SBNO1: variants seen among roughly 807,000 people sequenced by gnomAD.
SBNO1 encodes the protein protein strawberry notch homolog 1.
A neutral mutation model predicts 173.6 loss-of-function variants in SBNO1; 23 were observed. The observed-to-expected ratio is 0.13, with a 90% confidence interval of 0.10 to 0.19. The LOEUF is 0.19. Ranked by LOEUF, SBNO1 falls within the 10% of genes least tolerant of loss-of-function variation. The pLI is 1.00. For missense variants in SBNO1, 1,238 were observed against 1,671.2 expected, an observed-to-expected ratio of 0.74 and a Z score of 4.52; for synonymous variants, 632 against 571.5, an observed-to-expected ratio of 1.11 and a Z score of -1.51.
At chr12:123,351,576 T>A (rs1410552440) in intron 1 of SBNO1, among the ~76,000 whole-genome samples, 1 of 152,138 alleles carries the variant, frequency 6.6e-6, no homozygotes, top group African/African-American at 2.4e-5. Flanking sequence ...ATTGCACAAC[T>A]GCACTCCAGC....
chr12:123,303,838 A>G (rs564189205), intron 29 of SBNO1, among the ~76,000 whole-genome samples: 17 of 151,772 alleles, frequency 1.1e-4, no homozygotes, highest in Non-Finnish European at 2.4e-4. Context: ...CATTTAAAAA[A>G]AAAGAAAGAA....
In SBNO1 at chr12:123,324,501, T is replaced by C. The variant is rs1215664056; in HGVS notation, c.1974-670A>G. Among the ~76,000 whole-genome samples the C allele has an allele frequency of 2.0e-5, 3 of 151,948 alleles. 1 individual carries two copies. The East Asian group carries it at 5.8e-4, about 29-fold the overall frequency. On this transcript the variant is annotated intron_variant, in intron 15 of 31. Coordinates refer to ENST00000602398, the MANE Select transcript of SBNO1 (RefSeq NM_001167856.3). Reference sequence around the variant, plus strand: ...CACGCCTGGCTAGTTTTTGTATTTTTAGTAGAGACGAGGTTTCACCGTGTT... The same window carrying C: ...CACGCCTGGCTAGTTTTTGTATTTTCAGTAGAGACGAGGTTTCACCGTGTT...
intron 7 of SBNO1, among the ~76,000 whole-genome samples, chr12:123,332,115 C>T (rs1871289557): frequency 6.6e-6 from 1 of 152,112 alleles, no homozygotes; most frequent in African/African-American, 2.4e-5. Flanking sequence ...TCCCAAAGTG[C>T]TGAGATTACA....
chr12:123,313,966 C>A (rs577464551), intron 23 of SBNO1, among the ~76,000 whole-genome samples: 4 of 151,846 alleles, frequency 2.6e-5, no homozygotes, highest in African/African-American at 9.6e-5. Flanking sequence ...CACCTGTAAT[C>A]CCAGCTACTT....
intron 28 of SBNO1, 32 bp from the exon 29 acceptor site, chr12:123,304,751 T>A: frequency 7.6e-7 from 1 of 1,322,602 alleles, no homozygotes; most frequent in East Asian, 2.3e-5. Flanking sequence ...ATATAAAGAT[T>A]TTATAATACA....
chr12:123,328,535 A>G (rs1870839823), intron 10 of SBNO1, among the ~76,000 whole-genome samples, 199 bp downstream of exon 10: 1 of 152,154 alleles, frequency 6.6e-6, no homozygotes, highest in African/African-American at 2.4e-5. Flanking sequence ...ATTTTTCTAA[A>G]CCAGGAGATT....
chr12:123,296,920 C>T (rs2048617084), intron 31 of SBNO1, among the ~76,000 whole-genome samples: 1 of 150,538 alleles, frequency 6.6e-6, no homozygotes, highest in Non-Finnish European at 1.5e-5. Flanking sequence ...TGGTCTCAAA[C>T]TCCTGGACTC....
chr12:123,336,000 T>C (rs1472798104), intron 6 of SBNO1, among the ~76,000 whole-genome samples: 3 of 152,106 alleles, frequency 2.0e-5, no homozygotes, highest in Non-Finnish European at 4.4e-5. Context: ...TTTCCTGTAA[T>C]GAAAAAGTGA....
At chr12:123,301,993 T>C (rs1593324299) in intron 30 of SBNO1, among the ~76,000 whole-genome samples, 1 of 151,464 alleles carries the variant, frequency 6.6e-6, no homozygotes, top group Non-Finnish European at 1.5e-5. Flanking sequence ...CAGGCTGGAG[T>C]GCAGTGGTGC....
chr12:123,323,750 C>A lies in SBNO1; in HGVS notation c.2055G>T (p.Leu685Phe), dbSNP rs775270691. 1.2e-6 allele frequency: 2 copies of A among 1,612,814 alleles called. No homozygotes were observed. The highest frequency in any genetic ancestry group is 2.2e-5 in the South Asian group (2 of 90,910). ...GCGAACTGTTGTTACTTGGAGCTGT[C>A]AAATCGATTCCTAGTAAACTATAAA... The part of the protein sequence containing the change: ...KKLYSLLGID[L>F]TAPSNNSSPR... The change falls in exon 16 of 32, where the codon TTG (leucine) becomes TTT (phenylalanine). Residue 685 changes from leucine to phenylalanine, a missense_variant. Around this residue, in one of 14 missense-constraint regions of SBNO1, gnomAD observed 81 missense variants for 82.6 expected, o/e 0.98. Transcript: ENST00000602398.
In SBNO1 at chr12:123,315,553, T is replaced by G; in HGVS notation, c.3043A>C (p.Ser1015Arg). Reference sequence around the variant, plus strand: ...CACACAACTCCAAAACTCACCAAACTCTCAAGTCTTTTAGCAACAATAGAT... The same window carrying G: ...CACACAACTCCAAAACTCACCAAACGCTCAAGTCTTTTAGCAACAATAGAT... ...FASIVAKRLESLGALTHGDRR... is the reference protein window; with the variant it reads ...FASIVAKRLERLGALTHGDRR... The change falls in exon 22 of 32, where the codon AGT (serine) becomes CGT (arginine). Residue 1015 changes from serine to arginine, a missense_variant. Physicochemically the swap from Ser to Arg is moderately radical, Grantham distance 110. Around this residue, in one of 14 missense-constraint regions of SBNO1, gnomAD observed 39 missense variants for 129.7 expected, o/e 0.30. Coordinates refer to ENST00000602398, the MANE Select transcript of SBNO1 (RefSeq NM_001167856.3). 1 of 1,609,310 alleles carries G rather than the reference T, an allele frequency of 6.2e-7. No individual in the cohort carries two copies. The highest frequency in any genetic ancestry group is 8.5e-7 in the Non-Finnish European group (1 of 1,175,780).
chr12:123,305,652 T>C (rs1392319744), intron 28 of SBNO1, among the ~76,000 whole-genome samples: 1 of 152,092 alleles, frequency 6.6e-6, no homozygotes, highest in Non-Finnish European at 1.5e-5. Flanking sequence ...TTTGTATTTT[T>C]AGTAGAGATG....
chr12:123,310,390 T>C (rs1324797707), intron 25 of SBNO1, among the ~76,000 whole-genome samples: 1 of 149,632 alleles, frequency 6.7e-6, no homozygotes, highest in Non-Finnish European at 1.5e-5. Context: ...CCCGCCACTA[T>C]GCCTGGATAA....
At chr12:123,309,181 A>G (rs2048995492) in intron 28 of SBNO1, 129 bp downstream of exon 28, 1 of 681,584 alleles carries the variant, frequency 1.5e-6, no homozygotes, top group Non-Finnish European at 2.6e-6. Context: ...ACACAATTAC[A>G]ATGATAAATT....
intron 30 of SBNO1, among the ~76,000 whole-genome samples, chr12:123,299,199 T>A (rs2048699715): frequency 6.6e-6 from 1 of 152,068 alleles, no homozygotes; most frequent in South Asian, 2.1e-4. Flanking sequence ...AAACCCTGTC[T>A]CTATTAAAAA....
At chr12:123,351,672 C>G (rs1042797547) in intron 1 of SBNO1, among the ~76,000 whole-genome samples, 1 of 151,962 alleles carries the variant, frequency 6.6e-6, no homozygotes, top group Non-Finnish European at 1.5e-5. Context: ...TGGAAACAAA[C>G]TAAGAGGGAG....
intron 1 of SBNO1, among the ~76,000 whole-genome samples, chr12:123,357,602 ATGGTGGCGGGTGCC>A (rs66727056): frequency 0.95 from 144,355 of 151,604 alleles, 68,860 homozygotes; most frequent in Non-Finnish European, 0.96. Flanking sequence ...TTAGCTGGGC[ATGGTGGCGGGTGCC>A]TGGTGGCGGG....
chr12:123,297,886 G>C, intron 31 of SBNO1, 92 bp downstream of exon 31: 4 of 1,111,446 alleles, frequency 3.6e-6, no homozygotes, highest in South Asian at 2.8e-5. Context: ...GATGTTAGAT[G>C]CATGTGGAAT....
chr12:123,306,656 G>C (rs1395297667), intron 28 of SBNO1, among the ~76,000 whole-genome samples: 1 of 151,966 alleles, frequency 6.6e-6, no homozygotes, highest in African/African-American at 2.4e-5. Flanking sequence ...AGGAGTTCGA[G>C]ACTGTCCTGA....
Sources: gnomAD v4.1 joint callset for allele counts (sites outside exome capture counted in the v4.1 genomes callset) on GRCh38, gnomAD v4.1.1 for gene constraint, gnomAD v4.1.1 regional missense constraint, MANE v1.5 for transcripts, NCBI Gene and HGNC (gene_info 2026-07-23, HGNC 2026-07-21) for gene names.